The following NAV3 variants were observed in gnomAD, a reference collection of about 807,000 sequenced individuals.
The protein encoded by NAV3 is pore membrane and/or filament interacting like protein 1.
NAV3 carries 87 observed loss-of-function variants against 244.7 expected under a neutral mutation model. That is an observed-to-expected ratio of 0.36 (90% CI 0.30 to 0.42). NAV3 has a LOEUF of 0.42. NAV3 is among the 20% of genes least tolerant of loss of function. The probability of loss-of-function intolerance (pLI) is 1.00; values close to 1 mark genes in which losing one functional copy is unlikely to be tolerated. For missense variants in NAV3, 2,663 were observed against 2,893.3 expected (o/e 0.92, Z 1.83); for synonymous variants, 1,126 against 1,042.2 (o/e 1.08, Z -1.55).
chr12:78,177,493 C>A, intron 27 of NAV3, 127 bp from the exon 28 acceptor site: 4 of 1,150,374 alleles, frequency 3.5e-6, no homozygotes. Context: ...TTTCATTTTT[C>A]TTTTTCATTT....
chr12:77,659,004 C>T (rs1283536771), intron 2 of NAV3, among the ~76,000 whole-genome samples: 1 of 151,934 alleles, frequency 6.6e-6, no homozygotes, highest in South Asian at 2.1e-4. Context: ...ACCATAAAAA[C>T]CCTAGAAGAA....
intron 6 of NAV3, among the ~76,000 whole-genome samples, chr12:77,995,766 T>A (rs1349150600): frequency 6.6e-6 from 1 of 152,150 alleles, no homozygotes; most frequent in Non-Finnish European, 1.5e-5. Flanking sequence ...TTTTAAAAGG[T>A]ATTTAATTAA....
intron 2 of NAV3, among the ~76,000 whole-genome samples, chr12:77,643,136 C>T (rs1416533616): frequency 6.6e-6 from 1 of 151,868 alleles, no homozygotes; most frequent in Non-Finnish European, 1.5e-5. Context: ...CTATAACCTC[C>T]TTGATAAAAC....
intron 7 of NAV3, 40 bp downstream of exon 7, chr12:77,998,516 G>A (rs1265650404): frequency 3.2e-6 from 5 of 1,558,298 alleles, no homozygotes; most frequent in African/African-American, 2.8e-5. Flanking sequence ...AGTCCAACAT[G>A]AGTCTTGTGA....
rs897832007 is a variant in NAV3, at chr12:78,190,045, C to G, written c.6117C>G (p.Thr2039=). Residue 2039 remains threonine, a synonymous_variant, in exon 34 of 40, where the codon ACC becomes ACG. Transcript: ENST00000397909. ...VFDTLIPKPI[T]QRYFNLLMEH... ...ATACGCTGATTCCTAAACCAATTAC[C>G]CAAAGGTACTTTAACTTGTTGATGG... The G allele has an allele frequency of 6.2e-7, 1 of 1,612,964 alleles. No homozygotes were observed. The highest frequency in any genetic ancestry group is 1.7e-5 in the Admixed American group (1 of 59,892).
intron 2 of NAV3, among the ~76,000 whole-genome samples, chr12:77,713,082 GA>G (rs2137259565): frequency 6.6e-6 from 1 of 152,306 alleles, no homozygotes; most frequent in South Asian, 2.1e-4. Flanking sequence ...TACCAACCGA[GA>G]GATTGCCAGG....
upstream of NAV3, among the ~76,000 whole-genome samples, chr12:77,826,799 A>G (rs1873050959): frequency 6.6e-6 from 1 of 152,236 alleles, no homozygotes; most frequent in Non-Finnish European, 1.5e-5. Flanking sequence ...TACGGTAGGC[A>G]TGAGAGAACA....
chr12:78,097,775 A>G (rs1005091914), intron 12 of NAV3, among the ~76,000 whole-genome samples: 1 of 152,154 alleles, frequency 6.6e-6, no homozygotes, highest in Non-Finnish European at 1.5e-5. Flanking sequence ...AACCTTGTTC[A>G]CAGTTAGCTC....
chr12:77,810,257 C>T (rs892892717), intron 2 of NAV3, among the ~76,000 whole-genome samples: 3 of 152,218 alleles, frequency 2.0e-5, no homozygotes, highest in East Asian at 1.9e-4. Context: ...CTGCAAGCTC[C>T]GCCTCCCGGG....
intron 2 of NAV3, among the ~76,000 whole-genome samples, chr12:77,724,662 T>G (rs537259730): frequency 1.3e-5 from 2 of 151,872 alleles, no homozygotes; most frequent in South Asian, 4.2e-4. Context: ...TTTCCTCCAT[T>G]CAGTAATAGG....
At chr12:78,084,176 C>A (rs753931676) in intron 12 of NAV3, among the ~76,000 whole-genome samples, 12 of 152,202 alleles carry the variant, frequency 7.9e-5, no homozygotes, top group Non-Finnish European at 1.3e-4. Flanking sequence ...CACAACTATT[C>A]TTTCTCCTCA....
At chr12:77,741,583 C>T (rs918824542) in intron 2 of NAV3, among the ~76,000 whole-genome samples, 1 of 152,130 alleles carries the variant, frequency 6.6e-6, no homozygotes, top group Non-Finnish European at 1.5e-5. Context: ...TGATTCATTA[C>T]TCAACCACAT....
rs1021970997 is a variant in NAV3, at chr12:77,706,562, G to A, written c.72+134296G>A. On this transcript the variant is annotated intron_variant, in intron 2 of 8. Coordinates refer to the NAV3 transcript ENST00000550042. ...CCACGGTGAAATTCAGAATATATGA[G>A]AGACCCATAATTAAAATATCTGGGA... is the stretch of plus-strand genomic sequence containing the variant. Among the ~76,000 whole-genome samples, 5 of 151,072 alleles carry A rather than the reference G, an allele frequency of 3.3e-5. 1 individual carries two copies. Among genetic ancestry groups the A allele is most frequent in the African/African-American group, 1.2e-4 (5 of 40,604 alleles).
chr12:78,191,468 C>T (rs934155227), intron 34 of NAV3, among the ~76,000 whole-genome samples: 1 of 152,156 alleles, frequency 6.6e-6, no homozygotes, highest in Non-Finnish European at 1.5e-5. Flanking sequence ...CACACACACA[C>T]ATCTTTGTTC....
chr12:77,860,936 T>C (rs1178455139), intron 1 of NAV3, among the ~76,000 whole-genome samples: 1 of 151,962 alleles, frequency 6.6e-6, no homozygotes, highest in Non-Finnish European at 1.5e-5. Context: ...ATTACTTGGC[T>C]GTACCCTACA....
Position 78,205,139 on chromosome 12 carries a change from G to A in NAV3, c.7038+1G>A. 1.2e-6 allele frequency: 2 copies of A among 1,612,310 alleles called. No homozygotes were observed. The highest frequency in any genetic ancestry group is 1.7e-6 in the Non-Finnish European group (2 of 1,179,126). On this transcript the variant is annotated splice_donor_variant, in intron 39 of 39. Transcript: ENST00000397909. LOFTEE classifies it high-confidence loss of function. ...AACTGACACAGAAGGAGATCCCCTG[G>A]TAAGAATCAGATGTTCATTTCTTCC...
intron 1 of NAV3, among the ~76,000 whole-genome samples, chr12:77,898,171 T>A (rs966822706): frequency 6.6e-6 from 1 of 152,236 alleles, no homozygotes; most frequent in Non-Finnish European, 1.5e-5. Flanking sequence ...GCATTTGGTA[T>A]TTTTTATATT....
intron 2 of NAV3, among the ~76,000 whole-genome samples, chr12:77,717,872 C>A (rs895532696): frequency 2.6e-5 from 4 of 152,108 alleles, no homozygotes; most frequent in Non-Finnish European, 5.9e-5. Context: ...TTTCATACAC[C>A]TGTTGACCCT....
At chr12:77,896,302 C>T (rs1050434334) in intron 1 of NAV3, among the ~76,000 whole-genome samples, 1 of 152,160 alleles carries the variant, frequency 6.6e-6, no homozygotes, top group Non-Finnish European at 1.5e-5. Context: ...TGTAACAAAA[C>T]AGGATACCAC....
Sources: allele counts gnomAD v4.1 joint callset (sites outside exome capture counted in the v4.1 genomes callset), GRCh38; gene constraint gnomAD v4.1.1; transcripts MANE v1.5; gene names NCBI Gene and HGNC (gene_info 2026-07-23, HGNC 2026-07-21).